The following CDH12 variants were observed in gnomAD, a reference collection of about 807,000 sequenced individuals.
CDH12 encodes the protein cadherin-12.
Under a neutral mutation model 74.1 loss-of-function variants are expected in CDH12, and 41 were observed. The observed-to-expected ratio is 0.55, with a 90% CI of 0.43 to 0.72. CDH12 has a LOEUF of 0.72. Ranked by LOEUF, CDH12 falls within the 30% of genes least tolerant of loss-of-function variation. The pLI is 0.00. For synonymous variants in CDH12, 399 were observed against 355.0 expected, an observed-to-expected ratio of 1.12 and a Z score of -1.39; for missense variants, 945 against 977.2, an observed-to-expected ratio of 0.97 and a Z score of 0.44.
intron 2 of CDH12, among the ~76,000 whole-genome samples, chr5:22,493,313 T>C (rs1746965514): frequency 6.6e-6 from 1 of 152,218 alleles, no homozygotes; most frequent in Non-Finnish European, 1.5e-5. Flanking sequence ...GTTGATTTTC[T>C]GTCACCCTCA....
intron 5 of CDH12, among the ~76,000 whole-genome samples, chr5:22,013,865 GA>G (rs1450767064): frequency 1.3e-5 from 2 of 151,912 alleles, no homozygotes; most frequent in African/African-American, 4.8e-5. Context: ...TTGGCTTCTA[GA>G]AAAAAATAAT....
chr5:22,510,363 T>C (rs989245682), intron 1 of CDH12, among the ~76,000 whole-genome samples: 1 of 152,028 alleles, frequency 6.6e-6, no homozygotes, highest in Non-Finnish European at 1.5e-5. Context: ...TATAAAAAAA[T>C]TGTTATAAAA....
chr5:22,019,998 T>C (rs546917356), intron 5 of CDH12, among the ~76,000 whole-genome samples: 2 of 152,050 alleles, frequency 1.3e-5, no homozygotes, highest in Admixed American at 6.6e-5. Flanking sequence ...AAATGATACA[T>C]AGCATTGGAG....
At chr5:22,091,607 TTAA>T (rs1480565856) in intron 4 of CDH12, among the ~76,000 whole-genome samples, 1 of 151,880 alleles carries the variant, frequency 6.6e-6, no homozygotes, top group Non-Finnish European at 1.5e-5. Context: ...GATTGGAAAG[TTAA>T]TATTATTAAG....
Position 22,324,913 on chromosome 5 carries a change from G to T in CDH12, c.-333+80344C>A, listed in dbSNP as rs116275521. Reference sequence around the variant, plus strand: ...TATTAAACAGCATAAACCCAAGCTGGCTAACTTAATAAAGCATGATGGGAT... The same window carrying T: ...TATTAAACAGCATAAACCCAAGCTGTCTAACTTAATAAAGCATGATGGGAT... On this transcript the variant is annotated intron_variant, in intron 3 of 14. Coordinates refer to ENST00000382254, the MANE Select transcript of CDH12 (RefSeq NM_004061.5). Among the ~76,000 whole-genome samples the T allele has an allele frequency of 5.1e-3, 769 of 152,210 alleles. 8 individuals are homozygous for T. Among genetic ancestry groups the T allele is most frequent in the African/African-American group, 0.018 (739 of 41,538 alleles).
intron 4 of CDH12, among the ~76,000 whole-genome samples, chr5:22,095,871 C>T (rs907471764): frequency 1.3e-4 from 20 of 151,840 alleles, no homozygotes; most frequent in Admixed American, 3.3e-4. Flanking sequence ...TTCCGTGCCC[C>T]GACCTCTTAT....
chr5:22,788,372 C>A (rs1429815463), intron 1 of CDH12, among the ~76,000 whole-genome samples: 1 of 151,566 alleles, frequency 6.6e-6, no homozygotes, highest in Non-Finnish European at 1.5e-5. Context: ...TTTGCTACAT[C>A]TTTGTTTGCT....
intron 6 of CDH12, among the ~76,000 whole-genome samples, chr5:21,931,272 T>C (rs554862587): frequency 1.3e-5 from 2 of 151,390 alleles, no homozygotes; most frequent in African/African-American, 4.9e-5. Context: ...AAGAAGAGAA[T>C]AGAAAAAAAA....
intron 5 of CDH12, among the ~76,000 whole-genome samples, chr5:22,031,032 T>C (rs1404343155): frequency 1.3e-5 from 2 of 152,092 alleles, no homozygotes; most frequent in Non-Finnish European, 2.9e-5. Context: ...AAAATAGGTT[T>C]TTGCTTAAGA....
intron 1 of CDH12, among the ~76,000 whole-genome samples, chr5:22,571,076 C>T (rs751804529): frequency 6.6e-6 from 1 of 152,142 alleles, no homozygotes; most frequent in Non-Finnish European, 1.5e-5. Flanking sequence ...AGCAGTGGAG[C>T]CTTTCTCTGG....
intron 4 of CDH12, among the ~76,000 whole-genome samples, chr5:22,180,374 C>T (rs893265939): frequency 1.3e-5 from 2 of 152,124 alleles, no homozygotes; most frequent in African/African-American, 4.8e-5. Context: ...TCACCTAAGT[C>T]TACAGTGGCT....
chr5:22,372,637 A>C (rs1741343005), intron 3 of CDH12, among the ~76,000 whole-genome samples: 1 of 152,068 alleles, frequency 6.6e-6, no homozygotes, highest in South Asian at 2.1e-4. Flanking sequence ...TCTCGAAAAC[A>C]AACCTCACTG....
intron 3 of CDH12, among the ~76,000 whole-genome samples, chr5:22,296,998 T>A (rs1244189609): frequency 6.6e-6 from 1 of 151,962 alleles, no homozygotes; most frequent in African/African-American, 2.4e-5. Flanking sequence ...CTTTCTTTTT[T>A]AATTGTTGTT....
intron 4 of CDH12, chr5:22,142,831 T>C (rs560771309): frequency 7.1e-5 from 18 of 252,598 alleles, no homozygotes; most frequent in African/African-American, 3.7e-4. Flanking sequence ...CTTTAAACAA[T>C]TTAAACTTTC....
At chr5:22,055,531 C>T (rs1740675488) in intron 5 of CDH12, among the ~76,000 whole-genome samples, 1 of 151,996 alleles carries the variant, frequency 6.6e-6, no homozygotes, top group South Asian at 2.1e-4. Flanking sequence ...GAACTCTCCC[C>T]TAGGAAGCTT....
intron 3 of CDH12, among the ~76,000 whole-genome samples, chr5:22,253,265 G>T (rs1475512650): frequency 6.6e-6 from 1 of 151,822 alleles, no homozygotes; most frequent in African/African-American, 2.4e-5. Flanking sequence ...GGTACAGCAT[G>T]ACTTTTAAAA....
intron 3 of CDH12, among the ~76,000 whole-genome samples, chr5:22,255,813 G>A (rs1357003888): frequency 6.6e-6 from 1 of 151,868 alleles, no homozygotes; most frequent in Non-Finnish European, 1.5e-5. Flanking sequence ...CTAGGAAGAA[G>A]CTGGTTATAC....
intron 1 of CDH12, among the ~76,000 whole-genome samples, chr5:22,793,100 AT>A (rs1748001247): frequency 6.6e-6 from 1 of 152,170 alleles, no homozygotes; most frequent in Admixed American, 6.5e-5. Flanking sequence ...CATGAAATAT[AT>A]GATCCCATTA....
intron 5 of CDH12, among the ~76,000 whole-genome samples, chr5:21,997,349 A>T (rs543840697): frequency 6.3e-4 from 96 of 152,288 alleles, no homozygotes; most frequent in African/African-American, 2.0e-3. Context: ...GGCCATGAAG[A>T]AGCAGTAAAT....
Sources: gnomAD v4.1 joint callset for allele counts (sites outside exome capture counted in the v4.1 genomes callset) on GRCh38, gnomAD v4.1.1 for gene constraint, MANE v1.5 for transcripts, NCBI Gene and HGNC (gene_info 2026-07-23, HGNC 2026-07-21) for gene names.